The following PRKAG2 variants were observed in gnomAD, a reference collection of about 807,000 sequenced individuals.
PRKAG2 encodes the protein protein kinase AMP-activated non-catalytic subunit gamma 2.
Under a neutral mutation model 69.6 loss-of-function variants are expected in PRKAG2, and 26 were observed. The observed-to-expected ratio is 0.37, with a 90% CI of 0.27 to 0.52. The LOEUF is 0.52. Among genes scored for constraint, PRKAG2 ranks in the 20% least tolerant of loss-of-function variants. The pLI is 0.90. For missense variants in PRKAG2, 557 were observed against 740.0 expected (o/e 0.75, Z 2.87); for synonymous variants, 293 against 285.0 (o/e 1.03, Z -0.28).
chr7:151,770,565 T>G (rs565730437), intron 3 of PRKAG2, among the ~76,000 whole-genome samples: 1 of 152,372 alleles, frequency 6.6e-6, no homozygotes, highest in African/African-American at 2.4e-5. Flanking sequence ...CTGCAGCCTT[T>G]TTAAAGAAGT....
At chr7:151,691,221 A>G (rs1030503476) in intron 3 of PRKAG2, among the ~76,000 whole-genome samples, 1 of 152,194 alleles carries the variant, frequency 6.6e-6, no homozygotes, top group African/African-American at 2.4e-5. Context: ...TGGATCACTT[A>G]TAATACCTAA....
chr7:151,718,247 C>T (rs1796476133), intron 3 of PRKAG2, among the ~76,000 whole-genome samples: 1 of 151,194 alleles, frequency 6.6e-6, no homozygotes, highest in African/African-American at 2.4e-5. Context: ...TCCTGGCTTG[C>T]AGACAGCCGC....
intron 1 of PRKAG2, chr7:151,806,955 G>A: frequency 4.4e-6 from 2 of 450,530 alleles, no homozygotes; most frequent in African/African-American, 2.0e-5. Flanking sequence ...AAAAAAAAAA[G>A]CCAGGCCTCC....
intron 1 of PRKAG2, among the ~76,000 whole-genome samples, chr7:151,861,618 T>TGG (rs1421566586): frequency 6.6e-6 from 1 of 151,234 alleles, no homozygotes; most frequent in African/African-American, 2.4e-5. Context: ...TGGGATGGGA[T>TGG]GGTGGCCACA....
intron 3 of PRKAG2, among the ~76,000 whole-genome samples, chr7:151,749,207 T>C (rs1386072823): frequency 6.6e-6 from 1 of 152,190 alleles, no homozygotes. Context: ...ATCTTTTCTC[T>C]CTCCTCACTA....
intron 1 of PRKAG2, among the ~76,000 whole-genome samples, chr7:151,799,022 C>T (rs2077692781): frequency 6.6e-6 from 1 of 152,160 alleles, no homozygotes; most frequent in Non-Finnish European, 1.5e-5. Flanking sequence ...TGGGGACAAC[C>T]ACCAGCCCCA....
chr7:151,745,025 G>A (rs1276532502), intron 3 of PRKAG2, among the ~76,000 whole-genome samples: 1 of 152,218 alleles, frequency 6.6e-6, no homozygotes, highest in Admixed American at 6.5e-5. Context: ...TGGGCAGCTT[G>A]TGGGATTGTG....
intron 3 of PRKAG2, among the ~76,000 whole-genome samples, chr7:151,709,452 T>C (rs879111625): frequency 3.3e-5 from 5 of 152,206 alleles, no homozygotes; most frequent in Non-Finnish European, 4.4e-5. Flanking sequence ...CTTGGTGATG[T>C]TGAGTGATGA....
At position 151,731,609 on chromosome 7, in the gene PRKAG2, A is replaced by G. The variant is rs373372785; in HGVS notation, c.466+49543T>C. Among the ~76,000 whole-genome samples, 6 of 152,238 alleles carry G rather than the reference A, an allele frequency of 3.9e-5. No individual in the cohort carries two copies. The East Asian group carries it at 9.7e-4, about 25-fold the overall frequency. ...GGGAACTGCAGGGAAGCCCCCAGATAAACAGTGTGCACCTTGTCCCTGGGG... is the reference window on the plus strand; with the variant it reads ...GGGAACTGCAGGGAAGCCCCCAGATGAACAGTGTGCACCTTGTCCCTGGGG... On this transcript the variant is annotated intron_variant, in intron 3 of 15. Transcript: ENST00000287878.
At chr7:151,724,525 A>C in intron 3 of PRKAG2, among the ~76,000 whole-genome samples, 1 of 152,084 alleles carries the variant, frequency 6.6e-6, no homozygotes, top group Non-Finnish European at 1.5e-5. Context: ...GAGGATGGGA[A>C]CTTCTGCGCG....
intron 3 of PRKAG2, among the ~76,000 whole-genome samples, chr7:151,766,258 A>G (rs2075727469): frequency 6.6e-6 from 1 of 152,232 alleles, no homozygotes; most frequent in Admixed American, 6.5e-5. Flanking sequence ...CTTCACTTAC[A>G]GCAGTAAAGC....
chr7:151,844,902 T>G (rs1384036854), intron 1 of PRKAG2, among the ~76,000 whole-genome samples: 2 of 150,790 alleles, frequency 1.3e-5, no homozygotes, highest in African/African-American at 2.5e-5. Flanking sequence ...ACCGCCTGGG[T>G]CTGAGTCTGG....
At chr7:151,597,594 A>G (rs1057158683) in intron 5 of PRKAG2, among the ~76,000 whole-genome samples, 9 of 152,198 alleles carry the variant, frequency 5.9e-5, no homozygotes, top group Non-Finnish European at 1.2e-4. Context: ...AAAAAACCCC[A>G]AATAATCTGA....
chr7:151,625,925 G>A (rs1471338877), intron 5 of PRKAG2, among the ~76,000 whole-genome samples: 2 of 152,212 alleles, frequency 1.3e-5, no homozygotes, highest in East Asian at 1.9e-4. Flanking sequence ...TGCTCCAGGA[G>A]GGAGGGGAAT....
rs573773894 is a variant in PRKAG2, at chr7:151,793,316, A to C, written c.115-6775T>G. Among the ~76,000 whole-genome samples the C allele has an allele frequency of 2.6e-5, 4 of 152,298 alleles. No individual in the cohort carries two copies. The South Asian group carries it at 8.3e-4, about 32-fold the overall frequency. ...AGGAAGGAGCTTCCTCTGCCTTCAC[A>C]ACGCTATCTAGGTGAGACGGCCAGG... is the stretch of plus-strand genomic sequence containing the variant. On this transcript the variant is annotated intron_variant, in intron 1 of 15. Coordinates refer to ENST00000287878, the MANE Select transcript of PRKAG2 (RefSeq NM_016203.4).
At chr7:151,637,267 C>T (rs752110155) in intron 4 of PRKAG2, among the ~76,000 whole-genome samples, 2 of 152,052 alleles carry the variant, frequency 1.3e-5, no homozygotes, top group African/African-American at 4.8e-5. Context: ...TGGAGTGAGC[C>T]AAGGTACACA....
chr7:151,870,821 G>A (rs1341441262), intron 1 of PRKAG2, among the ~76,000 whole-genome samples: 1 of 152,266 alleles, frequency 6.6e-6, no homozygotes, highest in Non-Finnish European at 1.5e-5. Flanking sequence ...AGGCACCGCT[G>A]GCAACAGGCC....
At chr7:151,859,451 T>C (rs1168558980) in intron 1 of PRKAG2, among the ~76,000 whole-genome samples, 1 of 152,240 alleles carries the variant, frequency 6.6e-6, no homozygotes, top group Non-Finnish European at 1.5e-5. Flanking sequence ...AATCATGGTC[T>C]TCAGAGTGAG....
intron 5 of PRKAG2, among the ~76,000 whole-genome samples, chr7:151,597,777 CAAA>C (rs1814929281): frequency 6.9e-6 from 1 of 145,092 alleles, no homozygotes; most frequent in African/African-American, 2.5e-5. Flanking sequence ...CAAAACAAAA[CAAA>C]ACAAAAGATG....
Sources: gnomAD v4.1 joint callset for allele counts (sites outside exome capture counted in the v4.1 genomes callset) on GRCh38, gnomAD v4.1.1 for gene constraint, MANE v1.5 for transcripts, NCBI Gene and HGNC (gene_info 2026-07-23, HGNC 2026-07-21) for gene names.